ATP2B1: variants seen among roughly 807,000 people sequenced by gnomAD.
ATP2B1 encodes plasma membrane calcium-transporting ATPase 1.
A neutral mutation model predicts 124.2 loss-of-function variants in ATP2B1; 14 were observed. The observed-to-expected ratio is 0.11, with a 90% CI of 0.07 to 0.18. The LOEUF (loss-of-function observed/expected upper bound fraction) is 0.18. Ranked by LOEUF, ATP2B1 falls within the 10% of genes least tolerant of loss-of-function variation. The pLI, the probability that ATP2B1 is intolerant of heterozygous loss-of-function variation, is 1.00. For synonymous variants in ATP2B1, 449 were observed against 492.4 expected (o/e 0.91, Z 1.17); for missense variants, 763 against 1,466.1 (o/e 0.52, Z 7.83).
intron 12 of ATP2B1, among the ~76,000 whole-genome samples, chr12:89,614,832 T>G (rs1351862664): frequency 1.3e-5 from 2 of 152,096 alleles, no homozygotes; most frequent in Admixed American, 6.5e-5. Flanking sequence ...TTGAAATCAT[T>G]CTTTTCTTTC....
At chr12:89,621,867 A>ACCCC in intron 9 of ATP2B1, 76 bp from the exon 10 acceptor site, 3 of 1,326,498 alleles carry the variant, frequency 2.3e-6, no homozygotes, top group Middle Eastern at 2.4e-4. Context: ...AATGATTATA[A>ACCCC]ATTGTTTTAA....
intron 2 of ATP2B1, among the ~76,000 whole-genome samples, chr12:89,654,233 C>T (rs945696957): frequency 6.6e-6 from 1 of 152,052 alleles, no homozygotes; most frequent in African/African-American, 2.4e-5. Flanking sequence ...CTTAGTTATA[C>T]CTTAAGTATG....
At chr12:89,621,391 A>G (rs1374314885) in intron 10 of ATP2B1, among the ~76,000 whole-genome samples, 158 bp downstream of exon 10, 1 of 152,132 alleles carries the variant, frequency 6.6e-6, no homozygotes, top group African/African-American at 2.4e-5. Context: ...GACCTCACTC[A>G]TAACACAAAT....
At chr12:89,618,333 CTTCAT>C (rs1404261532) in intron 11 of ATP2B1, among the ~76,000 whole-genome samples, 1 of 152,188 alleles carries the variant, frequency 6.6e-6, no homozygotes, top group Non-Finnish European at 1.5e-5. Context: ...GTATGCATTA[CTTCAT>C]TTAAGTGCCA....
intron 9 of ATP2B1, among the ~76,000 whole-genome samples, chr12:89,623,567 T>C (rs917180881): frequency 3.9e-5 from 6 of 152,086 alleles, no homozygotes; most frequent in Non-Finnish European, 8.8e-5. Context: ...GAGACCTGAA[T>C]AAAGAAAGAG....
chr12:89,659,675 C>T (rs1169025661), intron 1 of ATP2B1, among the ~76,000 whole-genome samples: 1 of 152,142 alleles, frequency 6.6e-6, no homozygotes, highest in Non-Finnish European at 1.5e-5. Flanking sequence ...GTAATCCCAG[C>T]ACTTTGGGAG....
At chr12:89,607,317 C>T (rs150728563) in intron 15 of ATP2B1, among the ~76,000 whole-genome samples, 103 of 152,276 alleles carry the variant, frequency 6.8e-4, no homozygotes, top group African/African-American at 2.3e-3. Context: ...GTACATAATT[C>T]GCTGATGAAT....
At chr12:89,646,403 G>A (rs1334983068) in intron 2 of ATP2B1, among the ~76,000 whole-genome samples, 2 of 152,068 alleles carry the variant, frequency 1.3e-5, no homozygotes, top group African/African-American at 4.8e-5. Context: ...CTACAGCGTT[G>A]GAGCACCCAA....
At position 89,603,052 on chromosome 12, in the gene ATP2B1, A is replaced by G. The variant is rs376180346; in HGVS notation, c.3051T>C (p.Phe1017=). ...AIFCTIVLGT[F]VVQIIIVQFG... is the part of the protein sequence containing the mutation. ...TTTTCCAATTACCCACCTGTACCAC[A>G]AAAGTGCCTAAAACAATTGTGCAGA... The change falls in exon 18 of 21, where the codon TTT becomes TTC. Residue 1017 remains phenylalanine, a synonymous_variant. Coordinates refer to ENST00000428670, the MANE Select transcript of ATP2B1 (RefSeq NM_001366521.1). The surrounding 1 kb of genome is among the most constrained non-coding windows in gnomAD (Gnocchi z 4.3). 6.2e-6 allele frequency: 10 copies of G among 1,613,406 alleles called. No homozygotes were observed. The African/African-American group carries it at 9.3e-5, about 15-fold the overall frequency.
intron 2 of ATP2B1, among the ~76,000 whole-genome samples, chr12:89,650,100 G>GC (rs1885045899): frequency 6.6e-6 from 1 of 152,120 alleles, no homozygotes; most frequent in South Asian, 2.1e-4. Context: ...AAATTACCCT[G>GC]CCTCAGGTAT....
chr12:89,674,228 TGTG>T (rs1461068762), intron 1 of ATP2B1, among the ~76,000 whole-genome samples: 3 of 152,138 alleles, frequency 2.0e-5, no homozygotes, highest in Non-Finnish European at 4.4e-5. Context: ...TAATTACAAT[TGTG>T]GTAAGTATAT....
chr12:89,690,329 TTTTTTTTTTTGGAAGA>T (rs1309844216), intron 1 of ATP2B1, among the ~76,000 whole-genome samples: 1 of 149,172 alleles, frequency 6.7e-6, no homozygotes, highest in East Asian at 1.9e-4. Flanking sequence ...TGGCAAATCT[TTTTTTTTTTTGGAAGA>T]TTTATCATTA....
At chr12:89,696,753 T>C (rs778133832) in intron 1 of ATP2B1, among the ~76,000 whole-genome samples, 10 of 152,196 alleles carry the variant, frequency 6.6e-5, no homozygotes, top group Non-Finnish European at 1.5e-4. Context: ...TTTAAAACTA[T>C]TCATAGCCCT....
chr12:89,642,333 A>G lies in ATP2B1; in HGVS notation c.231T>C (p.Asp77=). 3 of 1,613,252 alleles carry G rather than the reference A, an allele frequency of 1.9e-6. No homozygotes were observed. The highest frequency in any genetic ancestry group is 2.5e-6 in the Non-Finnish European group (3 of 1,179,832). The stretch of plus-strand genomic sequence containing the variant: ...CAAACACTGCTTCTCTTCTTTCTAA[A>G]TCTGCAGGGTTTCCACTTAAACCTA... ...PNEGLSGNPA[D]LERREAVFGK... The change falls in exon 3 of 21, where the codon GAT becomes GAC. Residue 77 remains aspartate (D), a synonymous_variant. Transcript: ENST00000428670.
chr12:89,652,908 T>C (rs756308888), intron 2 of ATP2B1, among the ~76,000 whole-genome samples: 1 of 152,150 alleles, frequency 6.6e-6, no homozygotes, highest in Non-Finnish European at 1.5e-5. Context: ...ATCTTTTTAT[T>C]TGCAGAGATG....
At chr12:89,706,106 C>A (rs1285521328) in intron 1 of ATP2B1, among the ~76,000 whole-genome samples, 1 of 152,174 alleles carries the variant, frequency 6.6e-6, no homozygotes, top group Admixed American at 6.5e-5. Flanking sequence ...ACTGTCACTA[C>A]AGTAACTCTT....
intron 18 of ATP2B1, among the ~76,000 whole-genome samples, chr12:89,602,403 C>T (rs1247640483): frequency 6.6e-6 from 1 of 152,094 alleles, no homozygotes; most frequent in Non-Finnish European, 1.5e-5. Context: ...TGGTAGTTAA[C>T]ATTTTAAAAC....
chr12:89,704,516 G>A (rs1892220386), intron 1 of ATP2B1, among the ~76,000 whole-genome samples: 1 of 151,978 alleles, frequency 6.6e-6, no homozygotes, highest in Admixed American at 6.6e-5. Flanking sequence ...GAAGAGCAAT[G>A]AGCAAAATCT....
intron 15 of ATP2B1, among the ~76,000 whole-genome samples, chr12:89,606,998 A>AC (rs1236016553): frequency 2.6e-5 from 4 of 152,098 alleles, no homozygotes; most frequent in African/African-American, 7.2e-5. Flanking sequence ...TCTAAAAGTA[A>AC]CTCTATGGTG....
Sources: allele counts gnomAD v4.1 joint callset (sites outside exome capture counted in the v4.1 genomes callset), GRCh38; gene constraint gnomAD v4.1.1; non-coding constraint Gnocchi (gnomAD v3.1); transcripts MANE v1.5; gene names NCBI Gene and HGNC (gene_info 2026-07-23, HGNC 2026-07-21).